C11orf65: variants seen among roughly 807,000 people sequenced by gnomAD.
C11orf65 encodes the protein protein MFI.
C11orf65 carries 38 observed loss-of-function variants against 35.3 expected under a neutral mutation model. The observed-to-expected ratio is 1.08, with a 90% CI of 0.83 to 1.41. The LOEUF is 1.41. Ranked by LOEUF, C11orf65 falls within the 40% of genes most tolerant of loss-of-function variation. The pLI is 0.00. For synonymous variants in C11orf65, 105 were observed against 114.4 expected, an observed-to-expected ratio of 0.92 and a Z score of 0.53; for missense variants, 370 against 367.1, an observed-to-expected ratio of 1.01 and a Z score of -0.06.
intron 2 of C11orf65, among the ~76,000 whole-genome samples, chr11:108,448,000 A>T (rs1216029387): frequency 9.9e-5 from 15 of 152,230 alleles, no homozygotes; most frequent in Admixed American, 4.6e-4. Flanking sequence ...AGAATACTAC[A>T]CAGACCTCTA....
intron 2 of C11orf65, chr11:108,335,401 T>A: frequency 1.3e-6 from 1 of 770,908 alleles, no homozygotes; most frequent in South Asian, 1.8e-5. Context: ...CTTTGGTGTC[T>A]GTCTCTTATT....
rs56046250 is a variant in C11orf65 at position 108,312,486 on chromosome 11, A to T, written c.641-3415T>A. The T allele has an allele frequency of 3.2e-6, 5 of 1,570,208 alleles. No homozygotes were observed. The South Asian group carries it at 4.4e-5, about 14-fold the overall frequency. On this transcript the variant is annotated intron_variant, in intron 6 of 6. Transcript: ENST00000525729. ...GTGAAAAAAGTAAAGAAGAAACTGG[A>T]ATAAGTTTACAGGTAAATATTAGAG...
rs147825132 is a variant in C11orf65, at chr11:108,420,807, G to A, written c.174+10939C>T. ...TTTATTTTTATTTTGTAGAGATGGGGTCTCACTATGTTGCCCTGGCTGGTG... is the reference window on the plus strand; with the variant it reads ...TTTATTTTTATTTTGTAGAGATGGGATCTCACTATGTTGCCCTGGCTGGTG... On this transcript the variant is annotated intron_variant, in intron 3 of 8. Coordinates refer to ENST00000393084, the MANE Select transcript of C11orf65 (RefSeq NM_152587.5). 1.8e-4 allele frequency among the ~76,000 whole-genome samples: 28 copies of A among 152,084 alleles called. No homozygotes were observed. The East Asian group carries it at 5.2e-3, about 28-fold the overall frequency.
chr11:108,452,322 C>A (rs1018895282), intron 2 of C11orf65, among the ~76,000 whole-genome samples: 3 of 152,102 alleles, frequency 2.0e-5, no homozygotes, highest in Admixed American at 2.0e-4. Context: ...AAAAATCAAA[C>A]CACCCCATCA....
intron 2 of C11orf65, among the ~76,000 whole-genome samples, chr11:108,451,211 C>G (rs1215294565): frequency 2.0e-5 from 3 of 151,912 alleles, no homozygotes; most frequent in Non-Finnish European, 4.4e-5. Context: ...GAGAGGAAGT[C>G]AAATTGTCTC....
intron 3 of C11orf65, among the ~76,000 whole-genome samples, chr11:108,410,872 C>T (rs2092643110): frequency 6.6e-6 from 1 of 151,906 alleles, no homozygotes; most frequent in African/African-American, 2.4e-5. Context: ...CCACGACTGG[C>T]TAATTTTTTC....
Position 108,435,062 on chromosome 11 carries a change from T to C in C11orf65, c.82-3224A>G, listed in dbSNP as rs75067805. 1.2e-3 allele frequency among the ~76,000 whole-genome samples: 181 copies of C among 152,298 alleles called. 3 individuals are homozygous for C. The East Asian group carries it at 0.032, about 27-fold the overall frequency. On this transcript the variant is annotated intron_variant, in intron 2 of 8. Coordinates refer to ENST00000393084, the MANE Select transcript of C11orf65 (RefSeq NM_152587.5). ...TTGTAGTAGATGCTCTGAATGAATA[T>C]CGTGCTATTTCTCACACAGCCAGCA...
chr11:108,338,051 T>C (rs630239), intron 2 of C11orf65, among the ~76,000 whole-genome samples: 2,434 of 152,352 alleles, frequency 0.016, 32 homozygotes, highest in Admixed American at 0.033. Flanking sequence ...ATATAAGTTA[T>C]TCCATTAAGA....
At chr11:108,387,314 C>T (rs1206930641) in intron 7 of C11orf65, among the ~76,000 whole-genome samples, 1 of 151,624 alleles carries the variant, frequency 6.6e-6, no homozygotes, top group East Asian at 1.9e-4. Context: ...GCCACCACGC[C>T]CGGCTAATTT....
At chr11:108,440,097 A>C (rs1201724804) in intron 2 of C11orf65, among the ~76,000 whole-genome samples, 5 of 152,188 alleles carry the variant, frequency 3.3e-5, no homozygotes, top group African/African-American at 9.6e-5. Context: ...GAAGAGGCTA[A>C]AGTGAGTTAA....
chr11:108,337,593 G>C (rs1356591121), intron 2 of C11orf65, among the ~76,000 whole-genome samples: 1 of 152,134 alleles, frequency 6.6e-6, no homozygotes, highest in African/African-American at 2.4e-5. Context: ...TGCTGCACTG[G>C]TCCAGGGACA....
intron 6 of C11orf65, among the ~76,000 whole-genome samples, chr11:108,396,569 T>C (rs1167363019): frequency 6.6e-6 from 1 of 151,944 alleles, no homozygotes; most frequent in African/African-American, 2.4e-5. Context: ...CGGTGGCTTA[T>C]GCCTGTAATC....
At chr11:108,406,689 T>G in intron 5 of C11orf65, 74 bp downstream of exon 5, 1 of 992,206 alleles carries the variant, frequency 1.0e-6, no homozygotes, top group South Asian at 2.5e-5. Context: ...AAAATAATTT[T>G]AAAATTAATT....
downstream of C11orf65, among the ~76,000 whole-genome samples, chr11:108,379,803 C>T (rs1052636406): frequency 2.0e-5 from 3 of 152,030 alleles, no homozygotes; most frequent in Admixed American, 6.6e-5. Context: ...GCTTTACTTT[C>T]TTACTCCTCA....
intron 3 of C11orf65, among the ~76,000 whole-genome samples, chr11:108,424,892 C>T (rs2092877862): frequency 6.6e-6 from 1 of 152,158 alleles, no homozygotes; most frequent in African/African-American, 2.4e-5. Flanking sequence ...TTAACACCTG[C>T]TCCTGAATGA....
At chr11:108,440,503 TA>T (rs2093134809) in intron 2 of C11orf65, among the ~76,000 whole-genome samples, 1 of 152,174 alleles carries the variant, frequency 6.6e-6, no homozygotes, top group Non-Finnish European at 1.5e-5. Context: ...TTATTACACT[TA>T]TTGGGCATGG....
chr11:108,352,600 A>G (rs999027564), intron 2 of C11orf65, among the ~76,000 whole-genome samples: 2 of 152,206 alleles, frequency 1.3e-5, no homozygotes, highest in African/African-American at 2.4e-5. Context: ...TAAAATGGCC[A>G]TGTACTACAA....
intron 2 of C11orf65, among the ~76,000 whole-genome samples, chr11:108,439,395 G>T (rs925780077): frequency 6.6e-6 from 1 of 152,174 alleles, no homozygotes; most frequent in Non-Finnish European, 1.5e-5. Flanking sequence ...AATGTAAAAT[G>T]GTACAGCCAC....
At chr11:108,383,539 A>G (rs1219544840) in intron 8 of C11orf65, among the ~76,000 whole-genome samples, 1 of 152,248 alleles carries the variant, frequency 6.6e-6, no homozygotes, top group Non-Finnish European at 1.5e-5. Flanking sequence ...AGTGCATGTA[A>G]AGAACTTAGA....
Sources: allele counts gnomAD v4.1 joint callset (sites outside exome capture counted in the v4.1 genomes callset), GRCh38; gene constraint gnomAD v4.1.1; transcripts MANE v1.5; gene names NCBI Gene and HGNC (gene_info 2026-07-23, HGNC 2026-07-21).